Variants in USP15 observed in about 807,000 individuals in gnomAD.
USP15 encodes the protein ubiquitin carboxyl-terminal hydrolase 15.
USP15 carries 18 observed loss-of-function variants against 127.1 expected under a neutral mutation model. The ratio of observed to expected loss-of-function variants is 0.14; its 90% confidence interval spans 0.10 to 0.21. USP15 has a LOEUF of 0.21. Ranked by LOEUF, USP15 falls within the 10% of genes least tolerant of loss-of-function variation. USP15 has a pLI of 1.00. For synonymous variants in USP15, 364 were observed against 393.7 expected, an observed-to-expected ratio of 0.92 and a Z score of 0.89; for missense variants, 805 against 1,159.9, an observed-to-expected ratio of 0.69 and a Z score of 4.44.
rs1218624557 is a variant in USP15, at chr12:62,405,658, AC to A, written c.*1285del. 6.6e-6 allele frequency: 1 copy of A among 152,524 alleles called. No homozygotes were observed. Among genetic ancestry groups the A allele is most frequent in the East Asian group, 1.9e-4 (1 of 5,192 alleles). 9.4% of individuals were successfully genotyped at this position (152,524 alleles called of 1,614,324 possible). A position where few individuals can be genotyped will look rare whatever the true frequency, so the allele number is the denominator to read the frequency against. ...CATACAATACTGCCTTTAATAGAAA[AC>A]CTAAATGCTGGGGCACATTTCACAT... On this transcript the variant is annotated 3_prime_UTR_variant, in exon 22 of 22. Coordinates refer to ENST00000280377, the MANE Select transcript of USP15 (RefSeq NM_001252078.2).
chr12:62,407,856 C>G lies in USP15; in HGVS notation c.*3481C>G, dbSNP rs2067922430. Reference sequence around the variant, plus strand: ...TCCTGGGTTAAAGTGATCCTCCTGCCTCAGCCTTATAATTTAGTTTTAATT... The same window carrying G: ...TCCTGGGTTAAAGTGATCCTCCTGCGTCAGCCTTATAATTTAGTTTTAATT... On this transcript the variant is annotated 3_prime_UTR_variant, in exon 22 of 22. Transcript: ENST00000280377. 1 of 152,126 alleles carries G rather than the reference C, an allele frequency of 6.6e-6. No homozygotes were observed. 9.4% of individuals were successfully genotyped at this position (152,126 alleles called of 1,614,324 possible). A position where few individuals can be genotyped will look rare whatever the true frequency, so the allele number is the denominator to read the frequency against.
rs1359654297 is a variant in USP15 at position 62,411,685 on chromosome 12, G to A, written c.*7310G>A. 4 of 152,278 alleles carry A rather than the reference G, an allele frequency of 2.6e-5. No homozygotes were observed. Among genetic ancestry groups the A allele is most frequent in the African/African-American group, 9.6e-5 (4 of 41,544 alleles). 9.4% of individuals were successfully genotyped at this position (152,278 alleles called of 1,614,324 possible). A position where few individuals can be genotyped will look rare whatever the true frequency, so the allele number is the denominator to read the frequency against. On this transcript the variant is annotated 3_prime_UTR_variant, in exon 22 of 22. Coordinates refer to ENST00000280377, the MANE Select transcript of USP15 (RefSeq NM_001252078.2). ...AGGCTGCCATAACAAACACAGACTG[G>A]GTGGCTTAAATAACAGAAATTTATA...
rs1220071108 is a variant in USP15, at chr12:62,406,668, T to C, written c.*2293T>C. ...GGATAATACATATTCTAATTAAAAG[T>C]AGGCATTCAGACTGGGCACGGTGGT... is the stretch of plus-strand genomic sequence containing the variant. On this transcript the variant is annotated 3_prime_UTR_variant, in exon 22 of 22. Coordinates refer to ENST00000280377, the MANE Select transcript of USP15 (RefSeq NM_001252078.2). 1 of 152,184 alleles carries C rather than the reference T, an allele frequency of 6.6e-6. No homozygotes were observed. The highest frequency in any genetic ancestry group is 2.4e-5 in the African/African-American group (1 of 41,448). The allele number at this position is 152,184 out of a possible 1,614,324, so 9.4% of individuals were successfully genotyped here.
At chr12:62,262,409 C>T (rs1047804989) in intron 1 of USP15, among the ~76,000 whole-genome samples, 2 of 152,104 alleles carry the variant, frequency 1.3e-5, no homozygotes, top group African/African-American at 4.8e-5. Flanking sequence ...ATTCACCCAA[C>T]CTAGTACCAC....
At position 62,295,145 on chromosome 12, in the gene USP15, A is replaced by G. The variant is rs372098447; in HGVS notation, c.217+839A>G. On this transcript the variant is annotated intron_variant, in intron 2 of 21. Transcript: ENST00000280377. ...GAGAGAGAGACCTAGACCCCCCCCC[A>G]TAGGGTTGCTCTTAAGTCTTCAACT... 3.7e-3 allele frequency among the ~76,000 whole-genome samples: 567 copies of G among 151,984 alleles called. 5 individuals carry two copies. The highest frequency in any genetic ancestry group is 0.013 in the African/African-American group (534 of 41,360).
chr12:62,271,449 T>A (rs1046035550), intron 1 of USP15, among the ~76,000 whole-genome samples: 2 of 152,024 alleles, frequency 1.3e-5, no homozygotes, highest in Non-Finnish European at 2.9e-5. Context: ...TGCTCGTTAT[T>A]ATTCGAAGTT....
At chr12:62,380,527 C>T (rs1404373283) in intron 8 of USP15, among the ~76,000 whole-genome samples, 1 of 151,968 alleles carries the variant, frequency 6.6e-6, no homozygotes, top group African/African-American at 2.4e-5. Flanking sequence ...TAATGTGAAT[C>T]CAGGCTCTCA....
intron 8 of USP15, among the ~76,000 whole-genome samples, chr12:62,371,062 A>G (rs976452311): frequency 2.0e-5 from 3 of 152,198 alleles, no homozygotes; most frequent in Admixed American, 1.3e-4. Flanking sequence ...TCTTTGTTCC[A>G]TCATTTGTCC....
chr12:62,398,134 G>T (rs1281794071), intron 20 of USP15, among the ~76,000 whole-genome samples: 1 of 151,726 alleles, frequency 6.6e-6, no homozygotes, highest in East Asian at 2.0e-4. Context: ...TGGACTACAG[G>T]CACATGCCAC....
At chr12:62,283,337 A>C (rs2063702146) in intron 1 of USP15, among the ~76,000 whole-genome samples, 1 of 152,350 alleles carries the variant, frequency 6.6e-6, no homozygotes, top group African/African-American at 2.4e-5. Context: ...TAAGTTCATA[A>C]GCAGTATTTA....
At chr12:62,347,417 AG>A (rs145304072) in intron 6 of USP15, among the ~76,000 whole-genome samples, 33,659 of 150,936 alleles carry the variant, frequency 0.22, 4,096 homozygotes, top group African/African-American at 0.33. Context: ...TATTGGATGA[AG>A]CAATGGATCT....
intron 19 of USP15, among the ~76,000 whole-genome samples, 169 bp downstream of exon 19, chr12:62,393,371 TTTTTATTTTTTC>T (rs2067381965): frequency 6.6e-6 from 1 of 152,212 alleles, no homozygotes; most frequent in African/African-American, 2.4e-5. Context: ...TGTTTCAAAA[TTTTTATTTTTTC>T]TTAGAGATTT....
intron 2 of USP15, among the ~76,000 whole-genome samples, chr12:62,294,900 G>A (rs922736567): frequency 9.2e-5 from 14 of 152,094 alleles, no homozygotes; most frequent in African/African-American, 3.1e-4. Context: ...ATCAGGCAAC[G>A]GAAAACAGTG....
At chr12:62,295,530 G>A (rs1005681920) in intron 2 of USP15, among the ~76,000 whole-genome samples, 6 of 152,064 alleles carry the variant, frequency 3.9e-5, no homozygotes. Flanking sequence ...GAAGAAGCAG[G>A]AAAATATGAT....
chr12:62,267,899 T>A (rs777363872), intron 1 of USP15, among the ~76,000 whole-genome samples: 45 of 152,240 alleles, frequency 3.0e-4, no homozygotes, highest in Non-Finnish European at 4.4e-4. Context: ...TACCCATATG[T>A]TTTTACAGCT....
intron 8 of USP15, among the ~76,000 whole-genome samples, chr12:62,360,433 ATAAG>A (rs994656934): frequency 2.0e-5 from 3 of 152,094 alleles, no homozygotes; most frequent in African/African-American, 7.2e-5. Context: ...ATTTAAGAGA[ATAAG>A]TAATACTACA....
intron 1 of USP15, among the ~76,000 whole-genome samples, chr12:62,282,007 C>A (rs930955171): frequency 1.3e-5 from 2 of 152,100 alleles, no homozygotes; most frequent in African/African-American, 4.8e-5. Context: ...ATATACACTG[C>A]TTTTTCCTAT....
At chr12:62,385,336 G>A (rs1033224726) in intron 11 of USP15, among the ~76,000 whole-genome samples, 8 of 151,838 alleles carry the variant, frequency 5.3e-5, no homozygotes, top group East Asian at 1.9e-4. Context: ...TAATAGTCAC[G>A]ATGTCTATAT....
intron 18 of USP15, among the ~76,000 whole-genome samples, chr12:62,392,822 A>G (rs1479806910): frequency 6.6e-6 from 1 of 152,110 alleles, no homozygotes; most frequent in African/African-American, 2.4e-5. Context: ...TCTAGCCCTC[A>G]TTATGTCTTT....
Sources: gnomAD v4.1 joint callset for allele counts (sites outside exome capture counted in the v4.1 genomes callset) on GRCh38, gnomAD v4.1.1 for gene constraint, MANE v1.5 for transcripts, NCBI Gene and HGNC (gene_info 2026-07-23, HGNC 2026-07-21) for gene names.